ZAN: variants seen among roughly 807,000 people sequenced by gnomAD.
The protein encoded by ZAN is zonadhesin (gene/pseudogene).
Under a neutral mutation model 286.2 loss-of-function variants are expected in ZAN, and 260 were observed. That is an observed-to-expected ratio of 0.91 (90% confidence interval 0.82 to 1.01). ZAN has a LOEUF of 1.01. Among genes scored for constraint, ZAN ranks in the 50% least tolerant of loss-of-function variants. ZAN has a pLI of 0.00. For missense variants in ZAN, 3,410 were observed against 3,639.2 expected (o/e 0.94, Z 1.62); for synonymous variants, 1,368 against 1,417.5 (o/e 0.97, Z 0.79).
In ZAN at chr7:100,767,051, A is replaced by T; in HGVS notation, c.4654A>T (p.Thr1552Ser). Residue 1552 changes from threonine (T) to serine (S), a missense_variant, in exon 25 of 48, where the codon ACC becomes TCC. Coordinates refer to ENST00000613979, the MANE Select transcript of ZAN (RefSeq NM_003386.3). ...AGCCTCGGGTGACCCCCACTACCTG[A>T]CCTTCGATGGCGCCTTGCACCACTT... ...CTASGDPHYL[T>S]FDGALHHFMG... 1 of 1,613,612 alleles carries T rather than the reference A, an allele frequency of 6.2e-7. No individual in the cohort carries two copies. Among genetic ancestry groups the T allele is most frequent in the Non-Finnish European group, 8.5e-7 (1 of 1,179,790 alleles).
In ZAN at chr7:100,788,060, G is replaced by A; in HGVS notation, c.7151G>A (p.Ser2384Asn). Reference protein sequence around the residue: ...EGRNKMDPPRSSIFLQEVITT... With the variant: ...EGRNKMDPPRNSIFLQEVITT... Reference sequence around the variant, plus strand: ...CGCAACAAGATGGATCCGCCCAGGAGCTCCATCTTCTTGCAGGAAGTGATT... The same window carrying A: ...CGCAACAAGATGGATCCGCCCAGGAACTCCATCTTCTTGCAGGAAGTGATT... The change falls in exon 38 of 48, where the codon AGC (serine) becomes AAC (asparagine). Residue 2384 changes from serine (S) to asparagine (N), a missense_variant. This residue lies in a region of ZAN where 1,289 missense variants were observed against 1,314.3 expected (regional missense o/e 0.98). Coordinates refer to ENST00000613979, the MANE Select transcript of ZAN (RefSeq NM_003386.3). 6.3e-7 allele frequency: 1 copy of A among 1,589,844 alleles called. No individual in the cohort carries two copies. The highest frequency in any genetic ancestry group is 2.2e-5 in the East Asian group (1 of 44,780).
chr7:100,769,845 C>A, intron 27 of ZAN, 35 bp from the exon 28 acceptor site: 1 of 1,543,554 alleles, frequency 6.5e-7, no homozygotes, highest in Non-Finnish European at 8.8e-7. Flanking sequence ...CTGCACCCAA[C>A]CTGTAGCCCT....
At chr7:100,748,272 G>A in intron 10 of ZAN, 52 bp from the exon 11 acceptor site, 1 of 1,613,864 alleles carries the variant, frequency 6.2e-7, no homozygotes, top group South Asian at 1.1e-5. Context: ...GGCTGGGGGA[G>A]GGCTGGAGAG....
At chr7:100,777,561 C>T (rs1484488629) in intron 34 of ZAN, among the ~76,000 whole-genome samples, 3 of 151,896 alleles carry the variant, frequency 2.0e-5, no homozygotes, top group Non-Finnish European at 4.4e-5. Flanking sequence ...GGAGTTTCAT[C>T]ATGTTGGTCA....
At position 100,734,101 on chromosome 7, in the gene ZAN, A is replaced by C; in HGVS notation, c.-68A>C. 1.9e-6 allele frequency: 2 copies of C among 1,064,106 alleles called. No individual in the cohort carries two copies. Among genetic ancestry groups the C allele is most frequent in the African/African-American group, 1.6e-5 (1 of 61,402 alleles). 65.9% of individuals were successfully genotyped at this position (1,064,106 alleles called of 1,614,324 possible). On this transcript the variant is annotated 5_prime_UTR_variant, in exon 2 of 48. Coordinates refer to ENST00000613979, the MANE Select transcript of ZAN (RefSeq NM_003386.3). The stretch of plus-strand genomic sequence containing the variant: ...GCCAAGCTAAGGAGGCCAGGGGGGA[A>C]TAAAAGGAGTCCAGGCTCCCAACTG...
chr7:100,786,113 CA>C lies in ZAN; in HGVS notation c.6953del (p.Asn2318ThrfsTer36). ...GGTCCCACTGCCAGCTCACTTCCGACAACAGCAACAGCAATTGTGTCTCAGA... is the reference window on the plus strand; with the variant it reads ...GGTCCCACTGCCAGCTCACTTCCGACACAGCAACAGCAATTGTGTCTCAGA... The part of the protein sequence containing the change: ...SGSHCQLTSD[N>X]SNSNCVSDKS... On this transcript the variant is annotated frameshift_variant, in exon 37 of 48. Coordinates refer to ENST00000613979, the MANE Select transcript of ZAN (RefSeq NM_003386.3). LOFTEE classifies it high-confidence loss of function. The C allele has an allele frequency of 1.2e-6, 2 of 1,613,952 alleles. No individual in the cohort carries two copies. The highest frequency in any genetic ancestry group is 1.7e-6 in the Non-Finnish European group (2 of 1,179,854).
At chr7:100,791,213 G>A in intron 40 of ZAN, 100 bp downstream of exon 40, 1 of 1,445,682 alleles carries the variant, frequency 6.9e-7, no homozygotes, top group Non-Finnish European at 9.2e-7. Context: ...GAAACTCCAG[G>A]GAGAGGGTGC....
Position 100,767,204 on chromosome 7 carries a change from C to T in ZAN, c.4807C>T (p.His1603Tyr), listed in dbSNP as rs1271805547. Residue 1603 changes from histidine (H) to tyrosine (Y), a missense_variant, in exon 25 of 48, where the codon CAC becomes TAC. Physicochemically the swap from His to Tyr is moderately conservative, Grantham distance 83. Coordinates refer to ENST00000613979, the MANE Select transcript of ZAN (RefSeq NM_003386.3). ...ILEVSYIKAV[H>Y]VTVFDLSISL... ...GGAGGTCTCCTACATCAAAGCCGTC[C>T]ACGTGACAGTCTTTGACCTCAGCAT... The T allele has an allele frequency of 1.9e-6, 3 of 1,613,404 alleles. No homozygotes were observed. Among genetic ancestry groups the T allele is most frequent in the Middle Eastern group, 1.6e-4 (1 of 6,062 alleles).
intron 25 of ZAN, 92 bp from the exon 26 acceptor site, chr7:100,767,739 A>G: frequency 7.0e-7 from 1 of 1,432,042 alleles, no homozygotes; most frequent in Non-Finnish European, 9.3e-7. Context: ...CGGCCTCCCA[A>G]AGTGCTGGGT....
rs755335749 is a variant in ZAN, at chr7:100,752,834, C to T, written c.2729C>T (p.Pro910Leu). Residue 910 changes from proline to leucine, a missense_variant, in exon 14 of 48, where the codon CCA becomes CTA. Around this residue, in one of 7 missense-constraint regions of ZAN, gnomAD observed 51 missense variants for 105.2 expected, o/e 0.48. Transcript: ENST00000613979. ...CCCACAGAAAAACCCACCATCTCCC[C>T]AGAAAAACCCACCATCTCCACGGAA... The part of the protein sequence containing the change: ...TIPTEKPTIS[P>L]EKPTISTEKP... 14 of 1,602,152 alleles carry T rather than the reference C, an allele frequency of 8.7e-6. No individual in the cohort carries two copies. The highest frequency in any genetic ancestry group is 1.7e-5 in the Admixed American group (1 of 58,962).
Position 100,781,374 on chromosome 7 carries a change from TTA to T in ZAN, c.6622+1626_6622+1627del, listed in dbSNP as rs1476517676. Among the ~76,000 whole-genome samples, 5 of 152,196 alleles carry T rather than the reference TTA, an allele frequency of 3.3e-5. No homozygotes were observed. The South Asian group carries it at 1.0e-3, about 32-fold the overall frequency. Reference sequence around the variant, plus strand: ...AGACATCTCAACCGGCCAAGAAAGTTTATTTTTCTTTAAAACACTCTCGCGTT... The same window carrying T: ...AGACATCTCAACCGGCCAAGAAAGTTTTTTTCTTTAAAACACTCTCGCGTT... On this transcript the variant is annotated intron_variant, in intron 35 of 47. Coordinates refer to ENST00000613979, the MANE Select transcript of ZAN (RefSeq NM_003386.3).
Position 100,759,052 on chromosome 7 carries a change from C to T in ZAN, c.3571+402C>T, listed in dbSNP as rs532517304. Among the ~76,000 whole-genome samples, 12 of 151,962 alleles carry T rather than the reference C, an allele frequency of 7.9e-5. 1 individual carries two copies. In the East Asian group the frequency reaches 1.2e-3, roughly 15 times the overall value. ...CAGCCTGGTCAACATGGTGAAACCC[C>T]GTCTCTACTAAAAATATAAAAAATT... On this transcript the variant is annotated intron_variant, in intron 17 of 47. Coordinates refer to ENST00000613979, the MANE Select transcript of ZAN (RefSeq NM_003386.3).
rs191832899 is a variant in ZAN, at chr7:100,773,731, G to A, written c.5645G>A (p.Arg1882His). The A allele has an allele frequency of 1.1e-5, 17 of 1,609,626 alleles. No individual in the cohort carries two copies. The highest frequency in any genetic ancestry group is 8.0e-5 in the African/African-American group (6 of 74,944). ...PAGSYHPVGE[R>H]WYTENTCTRL... ...CCCTGTGGCCCACAGGTCGGGGAGC[G>A]CTGGTACACAGAGAACACCTGCACC... The change falls in exon 31 of 48, where the codon CGC (arginine) becomes CAC (histidine). Residue 1882 changes from arginine to histidine, a missense_variant. Physicochemically the swap from Arg to His is conservative, Grantham distance 29. Around this residue, in one of 7 missense-constraint regions of ZAN, gnomAD observed 1,289 missense variants for 1,314.3 expected, o/e 0.98. Coordinates refer to ENST00000613979, the MANE Select transcript of ZAN (RefSeq NM_003386.3).
chr7:100,779,461 G>C lies in ZAN; in HGVS notation c.6333G>C (p.Leu2111=), dbSNP rs1181089093. 1 of 1,606,602 alleles carries C rather than the reference G, an allele frequency of 6.2e-7. No individual in the cohort carries two copies. Among genetic ancestry groups the C allele is most frequent in the East Asian group, 2.2e-5 (1 of 44,674 alleles). ...KDIDPSCQSL[L]VDEQQIPAEQ... ...CCCTTCCCAGTTGTCAGAGTCTCCT[G>C]GTAGATGAGCAGCAGATTCCAGCGG... is the stretch of plus-strand genomic sequence containing the variant. The change falls in exon 35 of 48, where the codon CTG becomes CTC. Residue 2111 remains leucine (L), a synonymous_variant. Coordinates refer to ENST00000613979, the MANE Select transcript of ZAN (RefSeq NM_003386.3).
rs1812172087 is a variant in ZAN, at chr7:100,793,951, G to T, written c.7919G>T (p.Cys2640Phe). The part of the protein sequence containing the change: ...RGRLRQHPRL[C>F]LQWHPEPPLA... ...AGGCTGCGCCAGCATCCCAGGCTATGCCTACAGTGGCACCCAGAGCCTCCC... is the reference window on the plus strand; with the variant it reads ...AGGCTGCGCCAGCATCCCAGGCTATTCCTACAGTGGCACCCAGAGCCTCCC... Residue 2640 changes from cysteine to phenylalanine, a missense_variant, in exon 43 of 48, where the codon TGC becomes TTC. Physicochemically the swap from Cys to Phe is radical, Grantham distance 205. Transcript: ENST00000613979. The T allele has an allele frequency of 1.1e-5, 18 of 1,613,896 alleles. No homozygotes were observed. The highest frequency in any genetic ancestry group is 1.5e-5 in the Non-Finnish European group (18 of 1,179,876).
At chr7:100,783,807 T>TATATATACACAC in intron 35 of ZAN, among the ~76,000 whole-genome samples, 1 of 12,488 alleles carries the variant, frequency 8.0e-5, no homozygotes, top group African/African-American at 9.7e-5. Flanking sequence ...TATACACACA[T>TATATATACACAC]ATATATATAC....
At position 100,792,471 on chromosome 7, in the gene ZAN, C is replaced by T. The variant is rs757439938; in HGVS notation, c.7779C>T (p.Val2593=). The part of the protein sequence containing the change: ...PREQEELRCQ[V]LSGHGVSSRY... ...AGCAAGAGGAGCTGCGTTGCCAGGT[C>T]CTCAGTGGGTACGCCATCCTCTGCC... The change falls in exon 42 of 48, where the codon GTC becomes GTT. Residue 2593 remains valine, a synonymous_variant. Transcript: ENST00000613979. 1 of 1,613,776 alleles carries T rather than the reference C, an allele frequency of 6.2e-7. No individual in the cohort carries two copies. Among genetic ancestry groups the T allele is most frequent in the African/African-American group, 1.3e-5 (1 of 74,942 alleles).
intron 13 of ZAN, 114 bp downstream of exon 13, chr7:100,751,380 C>G (rs1188914636): frequency 2.6e-6 from 2 of 765,810 alleles, no homozygotes; most frequent in African/African-American, 3.6e-5. Context: ...TCTCACCCAG[C>G]TGGCTTTGTT....
intron 31 of ZAN, among the ~76,000 whole-genome samples, chr7:100,774,958 G>A (rs1264924814): frequency 2.0e-5 from 3 of 151,604 alleles, no homozygotes; most frequent in East Asian, 3.9e-4. Context: ...TTGATGCAGT[G>A]TCTCTGTTGC....
Sources: allele counts gnomAD v4.1 joint callset (sites outside exome capture counted in the v4.1 genomes callset), GRCh38; gene constraint gnomAD v4.1.1; regional missense constraint gnomAD v4.1.1; transcripts MANE v1.5; gene names NCBI Gene and HGNC (gene_info 2026-07-23, HGNC 2026-07-21).